The following SNTG1 variants were observed in gnomAD, a reference collection of about 807,000 sequenced individuals.
The protein encoded by SNTG1 is gamma-1-syntrophin.
A neutral mutation model predicts 74.7 loss-of-function variants in SNTG1; 39 were observed. The ratio of observed to expected loss-of-function variants is 0.52; its 90% CI spans 0.40 to 0.68. The LOEUF (loss-of-function observed/expected upper bound fraction) is 0.68, where lower values mean the gene tolerates loss of function less well. Ranked by LOEUF, SNTG1 falls within the 30% of genes least tolerant of loss-of-function variation. SNTG1 has a pLI of 0.00. For synonymous variants in SNTG1, 254 were observed against 217.1 expected (o/e 1.17, Z -1.49); for missense variants, 685 against 609.5 (o/e 1.12, Z -1.30).
intron 1 of SNTG1, among the ~76,000 whole-genome samples, chr8:49,996,072 TATG>T (rs1263828401): frequency 1.3e-5 from 2 of 152,144 alleles, no homozygotes; most frequent in African/African-American, 4.8e-5. Flanking sequence ...CTAGAAAATA[TATG>T]ATATTTACTT....
At chr8:50,357,385 C>T (rs186532336) in intron 2 of SNTG1, among the ~76,000 whole-genome samples, 40 of 152,320 alleles carry the variant, frequency 2.6e-4, no homozygotes, top group African/African-American at 8.2e-4. Flanking sequence ...GTTTCTGCGA[C>T]GTGCTTTACA....
rs562576118 is a variant in SNTG1 at position 50,762,236 on chromosome 8, T to C, written c.1395+10125T>C. Among the ~76,000 whole-genome samples, 158 of 152,116 alleles carry C rather than the reference T, an allele frequency of 1.0e-3. 1 individual carries two copies. The highest frequency in any genetic ancestry group is 3.7e-3 in the African/African-American group (152 of 41,562). On this transcript the variant is annotated intron_variant, in intron 18 of 18. Coordinates refer to ENST00000642720, the MANE Select transcript of SNTG1 (RefSeq NM_018967.5). ...TTTGTGAAAAGTTGAACATTACTAA[T>C]GAAGTCTAACATATCTTTAGAAGGG...
At chr8:50,266,124 C>T (rs1052718117) in intron 2 of SNTG1, among the ~76,000 whole-genome samples, 3 of 151,140 alleles carry the variant, frequency 2.0e-5, no homozygotes, top group African/African-American at 7.3e-5. Flanking sequence ...ACCTAGAATA[C>T]CCAAAACAAT....
At chr8:50,492,085 A>G (rs1211948206) in intron 8 of SNTG1, among the ~76,000 whole-genome samples, 1 of 152,158 alleles carries the variant, frequency 6.6e-6, no homozygotes, top group Admixed American at 6.5e-5. Context: ...TTATGACTGC[A>G]TAGTATTCTA....
intron 18 of SNTG1, among the ~76,000 whole-genome samples, chr8:50,759,785 T>A (rs577745991): frequency 4.6e-5 from 7 of 152,126 alleles, no homozygotes; most frequent in African/African-American, 1.2e-4. Context: ...GCATGATGCC[T>A]CCAGCTTTGT....
chr8:50,383,763 C>G (rs2092529109), intron 2 of SNTG1, among the ~76,000 whole-genome samples: 1 of 152,130 alleles, frequency 6.6e-6, no homozygotes, highest in Non-Finnish European at 1.5e-5. Context: ...TAAGACACAC[C>G]TAAGGAACCT....
At chr8:50,498,314 A>G (rs1355304849) in intron 8 of SNTG1, among the ~76,000 whole-genome samples, 2 of 151,910 alleles carry the variant, frequency 1.3e-5, no homozygotes, top group Admixed American at 6.6e-5. Context: ...GAAGATTTAT[A>G]GTGGTATCTC....
At chr8:49,974,381 A>G (rs1171881423) in intron 1 of SNTG1, among the ~76,000 whole-genome samples, 1 of 152,194 alleles carries the variant, frequency 6.6e-6, no homozygotes, top group Non-Finnish European at 1.5e-5. Flanking sequence ...ATTCCATGAG[A>G]TAAAGAGTTA....
chr8:50,683,887 G>A (rs182526175), intron 15 of SNTG1, among the ~76,000 whole-genome samples: 1 of 152,108 alleles, frequency 6.6e-6, no homozygotes, highest in African/African-American at 2.4e-5. Context: ...GGATATAAAA[G>A]GTTACTTTTC....
intron 15 of SNTG1, among the ~76,000 whole-genome samples, chr8:50,683,971 T>C (rs914333319): frequency 6.6e-6 from 1 of 152,170 alleles, no homozygotes; most frequent in Non-Finnish European, 1.5e-5. Context: ...AGCTGCTATG[T>C]GAGGATAAAG....
Position 50,044,076 on chromosome 8 carries a change from A to T in SNTG1, c.-102-128485A>T, listed in dbSNP as rs550943515. Among the ~76,000 whole-genome samples the T allele has an allele frequency of 3.1e-3, 472 of 152,294 alleles. 1 individual carries two copies. The highest frequency in any genetic ancestry group is 0.011 in the African/African-American group (449 of 41,560). ...TAATACTAAAAAAAATTTCTGAAAA[A>T]CTACAAGTTGCAAAGAAGAGAAGGG... On this transcript the variant is annotated intron_variant, in intron 1 of 18. Coordinates refer to ENST00000642720, the MANE Select transcript of SNTG1 (RefSeq NM_018967.5).
At chr8:50,590,519 T>C (rs2094684670) in intron 12 of SNTG1, among the ~76,000 whole-genome samples, 2 of 152,028 alleles carry the variant, frequency 1.3e-5, no homozygotes, top group African/African-American at 2.4e-5. Flanking sequence ...CTAAAACAAA[T>C]TGGATATAAT....
At chr8:50,020,151 G>C (rs1369101419) in intron 1 of SNTG1, among the ~76,000 whole-genome samples, 5 of 152,104 alleles carry the variant, frequency 3.3e-5, no homozygotes, top group Non-Finnish European at 7.4e-5. Flanking sequence ...ACTGAGCATT[G>C]ACAAATCTGG....
At chr8:50,302,767 T>G (rs1459263983) in intron 2 of SNTG1, among the ~76,000 whole-genome samples, 1 of 152,136 alleles carries the variant, frequency 6.6e-6, no homozygotes, top group East Asian at 1.9e-4. Flanking sequence ...CCTCACCAAA[T>G]GCTGAGCAGA....
At chr8:50,212,213 A>G (rs1189175401) in intron 2 of SNTG1, among the ~76,000 whole-genome samples, 2 of 152,128 alleles carry the variant, frequency 1.3e-5, no homozygotes, top group African/African-American at 4.8e-5. Context: ...GAGGGAAGTC[A>G]TTCAAACAAA....
intron 4 of SNTG1, among the ~76,000 whole-genome samples, chr8:50,428,287 G>A (rs1416395106): frequency 2.0e-5 from 3 of 152,150 alleles, no homozygotes; most frequent in Non-Finnish European, 4.4e-5. Flanking sequence ...TCCAGCCTCG[G>A]CAACAGAGTA....
intron 1 of SNTG1, among the ~76,000 whole-genome samples, chr8:49,997,597 G>A (rs1332893385): frequency 1.3e-5 from 2 of 152,060 alleles, no homozygotes; most frequent in Non-Finnish European, 2.9e-5. Context: ...TCATCTTAGT[G>A]AGACCTAGTG....
chr8:49,943,059 T>C (rs1411922768), intron 1 of SNTG1, among the ~76,000 whole-genome samples: 2 of 152,216 alleles, frequency 1.3e-5, no homozygotes, highest in Non-Finnish European at 1.5e-5. Context: ...CAGTATGAAC[T>C]CATGGATGTT....
At chr8:50,608,557 C>T (rs942331297) in intron 13 of SNTG1, among the ~76,000 whole-genome samples, 2 of 151,578 alleles carry the variant, frequency 1.3e-5, no homozygotes, top group African/African-American at 4.8e-5. Context: ...ATATTATTTT[C>T]TAATCTTTTA....
Sources: gnomAD v4.1 joint callset for allele counts (sites outside exome capture counted in the v4.1 genomes callset) on GRCh38, gnomAD v4.1.1 for gene constraint, MANE v1.5 for transcripts, NCBI Gene and HGNC (gene_info 2026-07-23, HGNC 2026-07-21) for gene names.